CCSER1: variants seen among roughly 807,000 people sequenced by gnomAD.
The protein encoded by CCSER1 is serine-rich coiled-coil domain-containing protein 1.
Under a neutral mutation model 82.0 loss-of-function variants are expected in CCSER1, and 41 were observed. That is an observed-to-expected ratio of 0.50 (90% confidence interval 0.39 to 0.65). The LOEUF (loss-of-function observed/expected upper bound fraction) is 0.65. Ranked by LOEUF, CCSER1 falls within the 30% of genes least tolerant of loss-of-function variation. CCSER1 has a pLI of 0.00. For synonymous variants in CCSER1, 414 were observed against 383.9 expected, an observed-to-expected ratio of 1.08 and a Z score of -0.92; for missense variants, 1,119 against 1,064.2, an observed-to-expected ratio of 1.05 and a Z score of -0.72.
chr4:90,170,573 A>G (rs1312162340), intron 1 of CCSER1, among the ~76,000 whole-genome samples: 1 of 151,602 alleles, frequency 6.6e-6, no homozygotes, highest in African/African-American at 2.4e-5. Flanking sequence ...CTCTATCTTC[A>G]TGAGTTCATT....
intron 1 of CCSER1, among the ~76,000 whole-genome samples, chr4:90,175,289 C>T (rs1732456758): frequency 6.6e-6 from 1 of 152,004 alleles, no homozygotes; most frequent in East Asian, 1.9e-4. Context: ...TTATACAATT[C>T]TAGAAAATGC....
chr4:90,749,324 G>A lies in CCSER1; in HGVS notation c.2010+25333G>A, dbSNP rs532149561. On this transcript the variant is annotated intron_variant, in intron 7 of 10. Transcript: ENST00000509176. ...TTTCCCCATTGCTTGTTTTTCTCAG[G>A]TTTGTCAAAGATCAGATAGTTGTAG... is the stretch of plus-strand genomic sequence containing the variant. Among the ~76,000 whole-genome samples, 795 of 151,748 alleles carry A rather than the reference G, an allele frequency of 5.2e-3. 7 individuals are homozygous for A. The highest frequency in any genetic ancestry group is 0.018 in the African/African-American group (756 of 41,320).
chr4:90,776,379 C>G (rs149704627), intron 7 of CCSER1, among the ~76,000 whole-genome samples: 2 of 152,202 alleles, frequency 1.3e-5, no homozygotes, highest in East Asian at 3.9e-4. Context: ...TGAAAGTTAT[C>G]TCAAAGATAA....
At chr4:91,401,849 A>G (rs1196035488) in intron 10 of CCSER1, among the ~76,000 whole-genome samples, 1 of 152,012 alleles carries the variant, frequency 6.6e-6, no homozygotes, top group African/African-American at 2.4e-5. Flanking sequence ...GAATAGTGCC[A>G]CAATAAACAT....
chr4:90,422,714 A>G (rs1282535250), intron 4 of CCSER1, among the ~76,000 whole-genome samples: 1 of 152,040 alleles, frequency 6.6e-6, no homozygotes, highest in East Asian at 1.9e-4. Context: ...AAATTACCTA[A>G]TTTTCTGCTA....
intron 5 of CCSER1, among the ~76,000 whole-genome samples, chr4:90,481,241 A>C (rs1351996000): frequency 1.3e-5 from 2 of 152,162 alleles, no homozygotes; most frequent in East Asian, 3.8e-4. Context: ...ACTTTGCTGA[A>C]GTTTCTTATC....
chr4:90,360,651 G>A (rs182988230), intron 3 of CCSER1, among the ~76,000 whole-genome samples: 306 of 149,656 alleles, frequency 2.0e-3, no homozygotes, highest in Non-Finnish European at 1.9e-3. Flanking sequence ...TAGAAGCTTC[G>A]TCGTTCTTTT....
intron 7 of CCSER1, among the ~76,000 whole-genome samples, chr4:90,764,371 A>G (rs1294663904): frequency 6.6e-6 from 1 of 152,218 alleles, no homozygotes; most frequent in Non-Finnish European, 1.5e-5. Context: ...TTCATCTGCT[A>G]TACAGAAAAA....
intron 10 of CCSER1, among the ~76,000 whole-genome samples, chr4:91,117,196 C>A (rs1726692162): frequency 6.6e-6 from 1 of 152,116 alleles, no homozygotes; most frequent in Admixed American, 6.5e-5. Context: ...TATATGTAAA[C>A]CTTGGTTCCA....
At chr4:91,577,523 G>T (rs1309978317) in intron 10 of CCSER1, among the ~76,000 whole-genome samples, 1 of 151,866 alleles carries the variant, frequency 6.6e-6, no homozygotes, top group Non-Finnish European at 1.5e-5. Context: ...ATCACCAGGA[G>T]GAAGCAAATT....
intron 9 of CCSER1, among the ~76,000 whole-genome samples, chr4:90,952,158 A>C (rs2150356555): frequency 6.6e-6 from 1 of 152,260 alleles, no homozygotes; most frequent in Non-Finnish European, 1.5e-5. Context: ...TTAGGAAAAT[A>C]TTTATTAGAA....
At chr4:91,119,376 C>T (rs1307138702) in intron 10 of CCSER1, among the ~76,000 whole-genome samples, 1 of 151,870 alleles carries the variant, frequency 6.6e-6, no homozygotes, top group Admixed American at 6.6e-5. Context: ...TAAAATATAT[C>T]TAGGAATGTT....
chr4:91,471,181 A>G (rs1011074472), intron 10 of CCSER1, among the ~76,000 whole-genome samples: 4 of 152,174 alleles, frequency 2.6e-5, no homozygotes, highest in African/African-American at 9.6e-5. Context: ...GCCAAAATAT[A>G]AGGTTTTAGG....
chr4:91,339,644 C>T lies in CCSER1; in HGVS notation c.2217+253650C>T, dbSNP rs1669231674. 2.0e-5 allele frequency among the ~76,000 whole-genome samples: 3 copies of T among 152,098 alleles called. No individual in the cohort carries two copies. In the South Asian group the frequency reaches 6.2e-4, roughly 31 times the overall value. On this transcript the variant is annotated intron_variant, in intron 10 of 10. Transcript: ENST00000509176. Reference sequence around the variant, plus strand: ...GATTTCAGTACCACTTTTTTCTTTACCAAAATCTTCCTCAGAATAATACTC... The same window carrying T: ...GATTTCAGTACCACTTTTTTCTTTATCAAAATCTTCCTCAGAATAATACTC...
chr4:91,120,464 A>G (rs2148890187), intron 10 of CCSER1, among the ~76,000 whole-genome samples: 1 of 152,170 alleles, frequency 6.6e-6, no homozygotes, highest in African/African-American at 2.4e-5. Flanking sequence ...AAGAAAAATC[A>G]AAGATTATTG....
intron 10 of CCSER1, among the ~76,000 whole-genome samples, chr4:91,313,786 T>C (rs1342277462): frequency 6.6e-6 from 1 of 151,954 alleles, no homozygotes; most frequent in Non-Finnish European, 1.5e-5. Context: ...TGACCTATGA[T>C]TGAGGCCATT....
intron 10 of CCSER1, among the ~76,000 whole-genome samples, chr4:91,566,461 T>A (rs1192430464): frequency 1.3e-5 from 2 of 152,148 alleles, no homozygotes; most frequent in Admixed American, 6.6e-5. Context: ...TCTGTAGGAA[T>A]GACACTACCT....
At position 90,298,307 on chromosome 4, in the gene CCSER1, T is replaced by G. The variant is rs185221304; in HGVS notation, c.-41-9937T>G. On this transcript the variant is annotated intron_variant, in intron 1 of 10. Transcript: ENST00000509176. ...GGGGTGTTTGTAGTATTATCTGATG[T>G]TAGTTTGTATTTCTGTGGGATCGGT... 2.0e-4 allele frequency among the ~76,000 whole-genome samples: 30 copies of G among 152,222 alleles called. No individual in the cohort carries two copies. The East Asian group carries it at 5.4e-3, about 27-fold the overall frequency.
At chr4:91,452,388 C>T (rs1755920061) in intron 10 of CCSER1, among the ~76,000 whole-genome samples, 1 of 151,920 alleles carries the variant, frequency 6.6e-6, no homozygotes, top group Admixed American at 6.6e-5. Context: ...GTAAGCATTG[C>T]CTTTTATGTG....
Sources: gnomAD v4.1 joint callset for allele counts (sites outside exome capture counted in the v4.1 genomes callset) on GRCh38, gnomAD v4.1.1 for gene constraint, MANE v1.5 for transcripts, NCBI Gene and HGNC (gene_info 2026-07-23, HGNC 2026-07-21) for gene names.